The following FOXM1 variants were observed in gnomAD, a reference collection of about 807,000 sequenced individuals.
FOXM1 encodes forkhead box M1.
FOXM1 carries 25 observed loss-of-function variants against 63.6 expected under a neutral mutation model. That is an observed-to-expected ratio of 0.39 (90% CI 0.29 to 0.55). The LOEUF (loss-of-function observed/expected upper bound fraction) is 0.55, where lower values mean the gene tolerates loss of function less well. Ranked by LOEUF, FOXM1 falls within the 20% of genes least tolerant of loss-of-function variation. The probability of loss-of-function intolerance (pLI) is 0.60; values close to 1 mark genes in which losing one functional copy is unlikely to be tolerated. For missense variants in FOXM1, 879 were observed against 958.7 expected (o/e 0.92, Z 1.10); for synonymous variants, 387 against 376.9 (o/e 1.03, Z -0.31).
chr12:2,865,494 T>C, intron 5 of FOXM1, 95 bp from the exon 6 acceptor site: 1 of 1,032,878 alleles, frequency 9.7e-7, no homozygotes. Context: ...TATTCCTGAC[T>C]GATGACAAAA....
At chr12:2,870,656 C>A (rs960916791) in intron 3 of FOXM1, among the ~76,000 whole-genome samples, 1 of 146,356 alleles carries the variant, frequency 6.8e-6, no homozygotes, top group African/African-American at 2.5e-5. Flanking sequence ...AGAGAGAATC[C>A]GTCTCAAAAA....
At position 2,859,073 on chromosome 12, in the gene FOXM1, T is replaced by C; in HGVS notation, c.1857A>G (p.Arg619=). 1 of 1,608,214 alleles carries C rather than the reference T, an allele frequency of 6.2e-7. No individual in the cohort carries two copies. Residue 619 remains arginine, a synonymous_variant, in exon 9 of 9, where the codon AGA becomes AGG. Transcript: ENST00000359843. ...SSTPSKSVLP[R]TPESWRLTPP... is the part of the protein sequence containing the mutation. ...GCGTGAGCCTCCAGGATTCAGGGGT[T>C]CTGGGGAGGACAGATTTGCTCGGGG...
In FOXM1 at chr12:2,858,768, C is replaced by T; in HGVS notation, c.2162G>A (p.Gly721Asp). ...GLAANRSLTE[G>D]LVLDTMNDSL... The stretch of plus-strand genomic sequence containing the variant: ...GTCATTCATTGTGTCCAGGACCAGG[C>T]CTTCTGTCAGAGAACGATTGGCTGC... Residue 721 changes from glycine to aspartate, a missense_variant, in exon 9 of 9, where the codon GGC becomes GAC. By Grantham distance (94) the Gly-to-Asp change is moderately conservative (BLOSUM62 -1). Around this residue, in one of 4 missense-constraint regions of FOXM1, gnomAD observed 486 missense variants for 453.5 expected, o/e 1.07. Transcript: ENST00000359843. 1.2e-6 allele frequency: 2 copies of T among 1,614,198 alleles called. No homozygotes were observed. Among genetic ancestry groups the T allele is most frequent in the Middle Eastern group, 1.6e-4 (1 of 6,062 alleles).
chr12:2,861,432 A>T, intron 8 of FOXM1: 1 of 583,390 alleles, frequency 1.7e-6, no homozygotes, highest in East Asian at 3.1e-5. Context: ...TAAAAAATTT[A>T]AAAATAAATA....
At position 2,865,841 on chromosome 12, in the gene FOXM1, C is replaced by T. The variant is rs572512413; in HGVS notation, c.976-442G>A. ...CTAATTTTTGTATTTTTAGTAGAGACGGAGTTTCTCCATGTTGGTCAGGCT... is the reference window on the plus strand; with the variant it reads ...CTAATTTTTGTATTTTTAGTAGAGATGGAGTTTCTCCATGTTGGTCAGGCT... On this transcript the variant is annotated intron_variant, in intron 5 of 8. Transcript: ENST00000359843. Among the ~76,000 whole-genome samples the T allele has an allele frequency of 1.8e-3, 267 of 152,014 alleles. 2 individuals are homozygous for T. In the Middle Eastern group the frequency reaches 0.024, roughly 14 times the overall value.
intron 3 of FOXM1, among the ~76,000 whole-genome samples, chr12:2,870,668 A>G (rs539464453): frequency 6.6e-5 from 10 of 150,968 alleles, no homozygotes; most frequent in Admixed American, 1.3e-4. Context: ...TCTCAAAAAG[A>G]AAAAAAAAGA....
chr12:2,876,028 T>C (rs1475179245), intron 1 of FOXM1, among the ~76,000 whole-genome samples: 2 of 152,052 alleles, frequency 1.3e-5, no homozygotes, highest in African/African-American at 4.8e-5. Context: ...CCCAAAGTGC[T>C]GGGATTACAG....
chr12:2,862,218 G>A (rs1377228996), intron 8 of FOXM1, among the ~76,000 whole-genome samples: 1 of 150,440 alleles, frequency 6.6e-6, no homozygotes, highest in Non-Finnish European at 1.5e-5. Flanking sequence ...AGAGAAGTAT[G>A]CACAACATGA....
chr12:2,865,117 G>A (rs1215027864), intron 6 of FOXM1, among the ~76,000 whole-genome samples: 4 of 152,214 alleles, frequency 2.6e-5, no homozygotes, highest in Non-Finnish European at 5.9e-5. Context: ...GGCTGCTGCA[G>A]CATGCTCCCC....
chr12:2,859,725 A>C, intron 8 of FOXM1, 62 bp from the exon 9 acceptor site: 39 of 1,227,498 alleles, frequency 3.2e-5, no homozygotes, highest in Non-Finnish European at 4.1e-5. Flanking sequence ...CAAAAATATC[A>C]CATACGGGTT....
chr12:2,868,462 C>A, intron 4 of FOXM1, 101 bp downstream of exon 4: 1 of 795,444 alleles, frequency 1.3e-6, no homozygotes, highest in Non-Finnish European at 2.0e-6. Context: ...TTCTAGTGTC[C>A]TTTGCACTTA....
In FOXM1 at chr12:2,877,035, G is replaced by T. The variant is rs1274675134; in HGVS notation, c.-163C>A. 1 of 152,066 alleles carries T rather than the reference G, an allele frequency of 6.6e-6. No individual in the cohort carries two copies. Among genetic ancestry groups the T allele is most frequent in the Non-Finnish European group, 1.5e-5 (1 of 67,966 alleles). 9.4% of individuals were successfully genotyped at this position (152,066 alleles called of 1,614,324 possible). On this transcript the variant is annotated 5_prime_UTR_variant, in exon 1 of 9. Transcript: ENST00000359843. ...ACGGGGGCTCGCGCCGGACCGGCCGGGTCCCCGGCGGTGCGGGCGGGGTGG... is the reference window on the plus strand; with the variant it reads ...ACGGGGGCTCGCGCCGGACCGGCCGTGTCCCCGGCGGTGCGGGCGGGGTGG...
chr12:2,858,478 GGCTAGGGTGTGACT>G lies in FOXM1; in HGVS notation c.*146_*159del. On this transcript the variant is annotated 3_prime_UTR_variant, in exon 9 of 9. Transcript: ENST00000359843. ...TTGGGGAACACAAGGTCCCAGCAGT[GGCTAGGGTGTGACT>G]GCTACTTTTGCATAATCAGGCAGCA... 1.6e-6 allele frequency: 1 copy of G among 622,788 alleles called. No individual in the cohort carries two copies. Among genetic ancestry groups the G allele is most frequent in the Non-Finnish European group, 2.8e-6 (1 of 360,716 alleles). The allele number at this position is 622,788 out of a possible 1,614,324, so 38.6% of individuals were successfully genotyped here.
chr12:2,861,203 C>T, intron 8 of FOXM1: 1 of 592,254 alleles, frequency 1.7e-6, no homozygotes, highest in Non-Finnish European at 3.0e-6. Context: ...AAATTGATAA[C>T]AAAACCTATA....
At chr12:2,866,277 G>A (rs1340961019) in intron 5 of FOXM1, 116 bp downstream of exon 5, 8 of 1,061,346 alleles carry the variant, frequency 7.5e-6, no homozygotes, top group Admixed American at 3.3e-5. Context: ...TTGGGTGGCT[G>A]GCTTCTAACT....
Position 2,859,142 on chromosome 12 carries a change from T to C in FOXM1, c.1788A>G (p.Gly596=). 6.2e-7 allele frequency: 1 copy of C among 1,605,562 alleles called. No individual in the cohort carries two copies. Among genetic ancestry groups the C allele is most frequent in the Non-Finnish European group, 8.5e-7 (1 of 1,176,146 alleles). The change falls in exon 9 of 9, where the codon GGA becomes GGG. Residue 596 remains glycine (G), a synonymous_variant. Transcript: ENST00000359843. ...TTTCCTTAATGGGTGTCTTAAAAGGTCCTCCCACTTCCTGGGAGTAGCTGA... is the reference window on the plus strand; with the variant it reads ...TTTCCTTAATGGGTGTCTTAAAAGGCCCTCCCACTTCCTGGGAGTAGCTGA... ...SQLSYSQEVG[G]PFKTPIKETL...
At position 2,859,045 on chromosome 12, in the gene FOXM1, G is replaced by C; in HGVS notation, c.1885C>G (p.Pro629Ala). The C allele has an allele frequency of 6.2e-7, 1 of 1,609,178 alleles. No homozygotes were observed. The highest frequency in any genetic ancestry group is 1.3e-5 in the African/African-American group (1 of 74,888). Residue 629 changes from proline to alanine, a missense_variant, in exon 9 of 9, where the codon CCA (proline) becomes GCA (alanine). Physicochemically the swap from Pro to Ala is conservative, Grantham distance 27 (BLOSUM62 -1). Transcript: ENST00000359843. ...AAATCCAGTCCCCCTACTTTGGCTG[G>C]GGGCGTGAGCCTCCAGGATTCAGGG... ...RTPESWRLTP[P>A]AKVGGLDFSP...
chr12:2,859,757 T>C (rs1013724324), intron 8 of FOXM1, 94 bp from the exon 9 acceptor site: 60 of 934,788 alleles, frequency 6.4e-5, no homozygotes, highest in Non-Finnish European at 8.9e-5. Context: ...TGTGTCGTTT[T>C]GAAGTCTTAA....
At chr12:2,865,881 G>T (rs1445517313) in intron 5 of FOXM1, among the ~76,000 whole-genome samples, 1 of 151,996 alleles carries the variant, frequency 6.6e-6, no homozygotes, top group Non-Finnish European at 1.5e-5. Flanking sequence ...TCCAACTCCC[G>T]ACCTTAGGTG....
Sources: gnomAD v4.1 joint callset for allele counts (sites outside exome capture counted in the v4.1 genomes callset) on GRCh38, gnomAD v4.1.1 for gene constraint, gnomAD v4.1.1 regional missense constraint, MANE v1.5 for transcripts, NCBI Gene and HGNC (gene_info 2026-07-23, HGNC 2026-07-21) for gene names.